Variants in ANKRD36 observed in about 807,000 individuals in gnomAD.
The protein encoded by ANKRD36 is ankyrin repeat domain-containing protein 36A.
In ANKRD36, 179 loss-of-function variants were observed where a neutral mutation model predicts 278.1. That is an observed-to-expected ratio of 0.64 (90% CI 0.57 to 0.73). ANKRD36 has a LOEUF of 0.73. Ranked by LOEUF, ANKRD36 falls within the 30% of genes least tolerant of loss-of-function variation. The pLI is 0.00. For missense variants in ANKRD36, 1,159 were observed against 1,956.7 expected (o/e 0.59, Z 7.69); for synonymous variants, 320 against 641.1 (o/e 0.50, Z 7.57).
intron 44 of ANKRD36, 139 bp from the exon 45 acceptor site, chr2:97,200,195 C>A: frequency 6.5e-7 from 1 of 1,532,606 alleles, no homozygotes; most frequent in South Asian, 1.2e-5. Context: ...TGTTCTGATC[C>A]CCAGACACAA....
chr2:97,149,395 C>T lies in ANKRD36; in HGVS notation c.1101+34C>T, dbSNP rs745724247. 2.7e-5 allele frequency: 40 copies of T among 1,454,992 alleles called. 1 individual carries two copies. The highest frequency in any genetic ancestry group is 2.0e-4 in the South Asian group (15 of 74,856). 90.1% of individuals were successfully genotyped at this position (1,454,992 alleles called of 1,614,324 possible). Reference sequence around the variant, plus strand: ...CTCTCTTGTGAAATTAATTTTCTCCCTCTGAATCTCATTTTTTATATTATT... The same window carrying T: ...CTCTCTTGTGAAATTAATTTTCTCCTTCTGAATCTCATTTTTTATATTATT... On this transcript the variant is annotated intron_variant, in intron 12 of 75. Transcript: ENST00000420699.
intron 56 of ANKRD36, 131 bp from the exon 57 acceptor site, chr2:97,211,415 C>G: frequency 1.4e-6 from 2 of 1,404,730 alleles, no homozygotes; most frequent in Non-Finnish European, 1.9e-6. Flanking sequence ...TCCCCAGACA[C>G]AAAGTAGAAG....
At chr2:97,213,734 A>C (rs1329413290) in intron 60 of ANKRD36, 120 bp downstream of exon 60, 1 of 569,226 alleles carries the variant, frequency 1.8e-6, no homozygotes, top group Non-Finnish European at 3.1e-6. Context: ...CAGGCCTGAC[A>C]TTCTTCATTT....
At chr2:97,132,727 T>A (rs1002640547) in intron 6 of ANKRD36, among the ~76,000 whole-genome samples, 1 of 151,994 alleles carries the variant, frequency 6.6e-6, no homozygotes, top group Non-Finnish European at 1.5e-5. Context: ...TTTGTTACAG[T>A]GAAAGAATAC....
chr2:97,135,142 A>G (rs960348130), intron 6 of ANKRD36, among the ~76,000 whole-genome samples: 1 of 152,034 alleles, frequency 6.6e-6, no homozygotes, highest in Non-Finnish European at 1.5e-5. Context: ...TACAGTTTTC[A>G]TAGATCTAGA....
chr2:97,113,661 C>G lies in ANKRD36; in HGVS notation c.-79C>G. ...AGGTCCGTGGACAGACTGCTTTGCT[C>G]GTTGTTGCTCTTCGGAGGCGGCGAT... On this transcript the variant is annotated 5_prime_UTR_variant, in exon 1 of 76. Transcript: ENST00000420699. 3 of 1,578,010 alleles carry G rather than the reference C, an allele frequency of 1.9e-6. No homozygotes were observed. The highest frequency in any genetic ancestry group is 1.1e-5 in the South Asian group (1 of 89,522).
At chr2:97,174,253 G>A (rs2053562723) in intron 22 of ANKRD36, among the ~76,000 whole-genome samples, 1 of 151,736 alleles carries the variant, frequency 6.6e-6, no homozygotes, top group South Asian at 2.1e-4. Context: ...GTCTTCATGA[G>A]TATAAATAAA....
intron 64 of ANKRD36, among the ~76,000 whole-genome samples, chr2:97,218,371 G>A: frequency 6.9e-6 from 1 of 145,108 alleles, no homozygotes; most frequent in Non-Finnish European, 1.5e-5. Context: ...TTTTGATGGG[G>A]TTTATATATT....
chr2:97,192,686 CT>C (rs1044051856), intron 36 of ANKRD36, among the ~76,000 whole-genome samples, 171 bp from the exon 37 acceptor site: 53 of 151,630 alleles, frequency 3.5e-4, no homozygotes, highest in Non-Finnish European at 6.5e-4. Flanking sequence ...CCTGTATTCC[CT>C]TTTTTCAGTG....
At chr2:97,202,834 T>C (rs2061773431) in intron 48 of ANKRD36, among the ~76,000 whole-genome samples, 1 of 151,828 alleles carries the variant, frequency 6.6e-6, no homozygotes. Context: ...AGCAATCATT[T>C]TGCCAAAGAA....
intron 52 of ANKRD36, 132 bp downstream of exon 52, chr2:97,206,267 A>G (rs2062828228): frequency 9.0e-7 from 1 of 1,110,856 alleles, no homozygotes; most frequent in South Asian, 1.7e-5. Flanking sequence ...CTTCATTTGT[A>G]GTACGTTCTT....
intron 30 of ANKRD36, among the ~76,000 whole-genome samples, chr2:97,186,833 T>C (rs1463395516): frequency 2.6e-5 from 4 of 151,874 alleles, no homozygotes; most frequent in Non-Finnish European, 5.9e-5. Flanking sequence ...ATAAAAGACA[T>C]GTGGGTGCAT....
intron 69 of ANKRD36, among the ~76,000 whole-genome samples, chr2:97,242,237 C>G (rs1177103393): frequency 6.7e-6 from 1 of 150,334 alleles, no homozygotes; most frequent in African/African-American, 2.5e-5. Context: ...TTGCAGTGAG[C>G]AGAGATTGCA....
Position 97,151,890 on chromosome 2 carries a change from A to C in ANKRD36, c.1113A>C (p.Lys371Asn). The C allele has an allele frequency of 7.0e-7, 1 of 1,435,560 alleles. No individual in the cohort carries two copies. Among genetic ancestry groups the C allele is most frequent in the Non-Finnish European group, 9.4e-7 (1 of 1,058,570 alleles). 88.9% of individuals were successfully genotyped at this position (1,435,560 alleles called of 1,614,324 possible). ...TGTTTTTCTTCTAGATTATTTCAAA[A>C]CTATACATCCCAAAGAGAAAGATTA... ...EFSLESEIIS[K>N]LYIPKRKIIS... The change falls in exon 13 of 76, where the codon AAA (lysine) becomes AAC (asparagine). Residue 371 changes from lysine (K) to asparagine (N), a missense_variant. By Grantham distance (94) the Lys-to-Asn change is moderately conservative. Coordinates refer to ENST00000420699, the MANE Select transcript of ANKRD36 (RefSeq NM_001354587.1).
At chr2:97,128,996 TG>T (rs1271158964) in intron 6 of ANKRD36, among the ~76,000 whole-genome samples, 1 of 152,140 alleles carries the variant, frequency 6.6e-6, no homozygotes, top group East Asian at 1.9e-4. Context: ...AGTAATGGGA[TG>T]GCTGGGTCAA....
chr2:97,129,135 GT>G (rs1206865122), intron 6 of ANKRD36, among the ~76,000 whole-genome samples: 2 of 152,018 alleles, frequency 1.3e-5, no homozygotes, highest in Non-Finnish European at 2.9e-5. Flanking sequence ...AGCACCTGTT[GT>G]TTCCTGACTT....
Position 97,155,810 on chromosome 2 carries a change from T to G in ANKRD36, c.1260+1069T>G, listed in dbSNP as rs528706814. 4.8e-5 allele frequency among the ~76,000 whole-genome samples: 7 copies of G among 146,880 alleles called. 1 individual carries two copies. Among genetic ancestry groups the G allele is most frequent in the African/African-American group, 1.7e-4 (7 of 41,338 alleles). Reference sequence around the variant, plus strand: ...TGAAGCTAGAAAACCTATTTGTATGTATCTTAAGCACCCAGAATAATGTCT... The same window carrying G: ...TGAAGCTAGAAAACCTATTTGTATGGATCTTAAGCACCCAGAATAATGTCT... On this transcript the variant is annotated intron_variant, in intron 15 of 75. Transcript: ENST00000420699.
rs553676597 is a variant in ANKRD36 at position 97,175,173 on chromosome 2, A to T, written c.1634-4565A>T. Among the ~76,000 whole-genome samples the T allele has an allele frequency of 1.1e-3, 162 of 149,462 alleles. 2 individuals carry two copies. Among genetic ancestry groups the T allele is most frequent in the African/African-American group, 3.8e-3 (155 of 41,014 alleles). The stretch of plus-strand genomic sequence containing the variant: ...GTTAGGGAGGATTCCCTCTTTTTCT[A>T]TTGATTGGAATAGTTTCAGAAGGAA... On this transcript the variant is annotated intron_variant, in intron 22 of 75. Coordinates refer to ENST00000420699, the MANE Select transcript of ANKRD36 (RefSeq NM_001354587.1).
chr2:97,219,679 C>T (rs2153646433), intron 66 of ANKRD36, among the ~76,000 whole-genome samples: 1 of 140,312 alleles, frequency 7.1e-6, no homozygotes, highest in South Asian at 2.9e-4. Context: ...CAGGCTTTCT[C>T]CATGTTGGTC....
Sources: gnomAD v4.1 joint callset for allele counts (sites outside exome capture counted in the v4.1 genomes callset) on GRCh38, gnomAD v4.1.1 for gene constraint, MANE v1.5 for transcripts, NCBI Gene and HGNC (gene_info 2026-07-23, HGNC 2026-07-21) for gene names.